The following TRAK2 variants were observed in gnomAD, a reference collection of about 807,000 sequenced individuals.
TRAK2 encodes trafficking kinesin-binding protein 2.
TRAK2 carries 81 observed loss-of-function variants against 104.6 expected under a neutral mutation model. The ratio of observed to expected loss-of-function variants is 0.77; its 90% CI spans 0.65 to 0.93. TRAK2 has a LOEUF of 0.93. TRAK2 is among the 40% of genes least tolerant of loss of function. The pLI, the probability that TRAK2 is intolerant of heterozygous loss-of-function variation, is 0.00. For synonymous variants in TRAK2, 406 were observed against 394.4 expected, an observed-to-expected ratio of 1.03 and a Z score of -0.35; for missense variants, 1,002 against 1,089.0, an observed-to-expected ratio of 0.92 and a Z score of 1.12.
intron 1 of TRAK2, among the ~76,000 whole-genome samples, chr2:201,450,045 G>C (rs1952012100): frequency 2.0e-5 from 3 of 152,090 alleles, no homozygotes. Context: ...AAGTGTGTAA[G>C]ATAACAAAAC....
chr2:201,394,688 T>C, intron 9 of TRAK2, 110 bp downstream of exon 9: 1 of 927,640 alleles, frequency 1.1e-6, no homozygotes, highest in South Asian at 1.6e-5. Flanking sequence ...AACCTTTTGT[T>C]GTTGTTTTTT....
intron 2 of TRAK2, chr2:201,410,468 C>T (rs1412983735): frequency 4.4e-6 from 3 of 686,022 alleles, no homozygotes; most frequent in Non-Finnish European, 7.4e-6. Flanking sequence ...GAAGTAGTTC[C>T]TCCAAGCCAA....
chr2:201,410,348 A>C (rs977243096), intron 2 of TRAK2, among the ~76,000 whole-genome samples: 1 of 151,958 alleles, frequency 6.6e-6, no homozygotes, highest in African/African-American at 2.4e-5. Context: ...TGGTAAGAGG[A>C]AAAAAATCCT....
chr2:201,384,068 C>A (rs1460092693), intron 15 of TRAK2, 43 bp downstream of exon 15: 4 of 1,236,074 alleles, frequency 3.2e-6, no homozygotes, highest in South Asian at 1.3e-5. Flanking sequence ...GAAAATATAG[C>A]TGAGGAAAGA....
intron 2 of TRAK2, among the ~76,000 whole-genome samples, chr2:201,409,380 T>C (rs2125650211): frequency 6.6e-6 from 1 of 152,242 alleles, no homozygotes; most frequent in African/African-American, 2.4e-5. Flanking sequence ...ACAAATCTCC[T>C]TTTGAAAACA....
chr2:201,410,959 G>A, intron 2 of TRAK2: 1 of 1,555,538 alleles, frequency 6.4e-7, no homozygotes, highest in Admixed American at 1.7e-5. Flanking sequence ...TAGAAGTTCT[G>A]GTTTGTAGTA....
chr2:201,386,573 CAAT>C, intron 13 of TRAK2, 89 bp from the exon 14 acceptor site: 1 of 1,457,860 alleles, frequency 6.9e-7, no homozygotes, highest in Non-Finnish European at 9.4e-7. Context: ...TGTGTAATAA[CAAT>C]AATGACAGCA....
At chr2:201,397,782 CATACT>C in intron 6 of TRAK2, 1 of 562,056 alleles carries the variant, frequency 1.8e-6, no homozygotes, top group South Asian at 2.5e-5. Flanking sequence ...CCTTGATGCC[CATACT>C]ATACAAGTTC....
intron 3 of TRAK2, among the ~76,000 whole-genome samples, chr2:201,403,538 G>A (rs1400908115): frequency 6.6e-6 from 1 of 152,118 alleles, no homozygotes; most frequent in African/African-American, 2.4e-5. Context: ...ATACACCTGT[G>A]AATGCATGTT....
chr2:201,389,638 TTCAA>T, intron 11 of TRAK2, 135 bp from the exon 12 acceptor site: 1 of 1,109,448 alleles, frequency 9.0e-7, no homozygotes, highest in East Asian at 2.4e-5. Context: ...AAAATAAGCT[TTCAA>T]ACAAGAGAAC....
rs1951326847 is a variant in TRAK2 at position 201,380,292 on chromosome 2, CT to C, written c.*250del. 2.0e-6 allele frequency: 1 copy of C among 510,496 alleles called. No individual in the cohort carries two copies. The highest frequency in any genetic ancestry group is 3.3e-5 in the Admixed American group (1 of 29,862). 31.6% of individuals were successfully genotyped at this position (510,496 alleles called of 1,614,324 possible). ...TTATGTTCAAGACAAGAAAACTCAA[CT>C]GAAGGAGTATATTAAACCTTTCTTT... On this transcript the variant is annotated 3_prime_UTR_variant, in exon 16 of 16. Transcript: ENST00000332624.
intron 11 of TRAK2, 148 bp from the exon 12 acceptor site, chr2:201,389,651 A>T: frequency 9.4e-7 from 1 of 1,064,742 alleles, no homozygotes; most frequent in East Asian, 2.4e-5. Context: ...AAACAAGAGA[A>T]CTCTCTCACA....
At chr2:201,450,891 T>C (rs553923490) in intron 1 of TRAK2, among the ~76,000 whole-genome samples, 2 of 152,080 alleles carry the variant, frequency 1.3e-5, no homozygotes, top group Non-Finnish European at 2.9e-5. Context: ...TTTCAAGATA[T>C]GTGGCATCTG....
chr2:201,387,889 C>T lies in TRAK2; in HGVS notation c.1510G>A (p.Ala504Thr), dbSNP rs556634625. The change falls in exon 13 of 16, where the codon GCT becomes ACT. Residue 504 changes from alanine to threonine, a missense_variant. Transcript: ENST00000332624. Reference protein sequence around the residue: ...QNYLSEKQFFAEEWQRKIQVL... With the variant: ...QNYLSEKQFFTEEWQRKIQVL... ...TGGATCTTCCGCTGCCATTCTTCAG[C>T]AAAGAACTGCTTCTCACTTAAATAG... 187 of 1,614,172 alleles carry T rather than the reference C, an allele frequency of 1.2e-4. 3 individuals carry two copies. Among genetic ancestry groups the T allele is most frequent in the South Asian group, 1.2e-3 (105 of 91,076 alleles).
intron 2 of TRAK2, chr2:201,412,552 G>T: frequency 7.8e-7 from 1 of 1,278,038 alleles, no homozygotes; most frequent in Non-Finnish European, 1.1e-6. Context: ...ATACATAACA[G>T]TTCCTAAAGA....
At chr2:201,422,214 A>C (rs1576528005) in intron 1 of TRAK2, among the ~76,000 whole-genome samples, 2 of 152,190 alleles carry the variant, frequency 1.3e-5, no homozygotes, top group African/African-American at 4.8e-5. Flanking sequence ...TGTAGGGATA[A>C]GGATGCCCAT....
chr2:201,402,790 T>G (rs906777338), intron 3 of TRAK2, among the ~76,000 whole-genome samples: 1 of 152,110 alleles, frequency 6.6e-6, no homozygotes, highest in Non-Finnish European at 1.5e-5. Context: ...TAAACCCAAA[T>G]GTAATATAGA....
chr2:201,439,837 A>G (rs1211933783), intron 1 of TRAK2, among the ~76,000 whole-genome samples: 4 of 149,072 alleles, frequency 2.7e-5, no homozygotes, highest in Admixed American at 1.3e-4. Flanking sequence ...CGCAAGGACA[A>G]AAAACCAAAC....
At chr2:201,406,527 A>C (rs1416413399) in intron 3 of TRAK2, among the ~76,000 whole-genome samples, 1 of 152,236 alleles carries the variant, frequency 6.6e-6, no homozygotes, top group Non-Finnish European at 1.5e-5. Context: ...TACTATGAAA[A>C]TGAGTATTGC....
Sources: gnomAD v4.1 joint callset for allele counts (sites outside exome capture counted in the v4.1 genomes callset) on GRCh38, gnomAD v4.1.1 for gene constraint, MANE v1.5 for transcripts, NCBI Gene and HGNC (gene_info 2026-07-23, HGNC 2026-07-21) for gene names.